Variants in KCNIP1 observed in about 807,000 individuals in gnomAD.
KCNIP1 encodes potassium voltage-gated channel interacting protein 1.
A neutral mutation model predicts 33.0 loss-of-function variants in KCNIP1; 18 were observed. The observed-to-expected ratio is 0.55, with a 90% CI of 0.38 to 0.81. The LOEUF (loss-of-function observed/expected upper bound fraction) is 0.81. Ranked by LOEUF, KCNIP1 falls within the 30% of genes least tolerant of loss-of-function variation. The probability of loss-of-function intolerance (pLI) is 0.00; values close to 1 mark genes in which losing one functional copy is unlikely to be tolerated. For missense variants in KCNIP1, 238 were observed against 271.6 expected (o/e 0.88, Z 0.87); for synonymous variants, 93 against 98.3 (o/e 0.95, Z 0.32).
chr5:170,552,878 G>A (rs374244030), intron 1 of KCNIP1, among the ~76,000 whole-genome samples: 34 of 152,304 alleles, frequency 2.2e-4, no homozygotes, highest in Admixed American at 1.8e-3. Flanking sequence ...GCCAGCTGAC[G>A]CTGACGATGA....
At chr5:170,516,743 G>C (rs1282975083) in intron 1 of KCNIP1, among the ~76,000 whole-genome samples, 1 of 152,184 alleles carries the variant, frequency 6.6e-6, no homozygotes, top group African/African-American at 2.4e-5. Context: ...TAGGAGCTGT[G>C]TGGTTTGAAG....
chr5:170,665,371 G>C (rs767977366), intron 1 of KCNIP1, among the ~76,000 whole-genome samples: 39 of 151,982 alleles, frequency 2.6e-4, no homozygotes, highest in Non-Finnish European at 4.4e-4. Flanking sequence ...AGTCACTGGG[G>C]GTTAAGCCAT....
chr5:170,433,749 C>T (rs1033244718), intron 1 of KCNIP1, among the ~76,000 whole-genome samples: 3 of 152,214 alleles, frequency 2.0e-5, no homozygotes, highest in Admixed American at 6.5e-5. Context: ...CTGTATGTCA[C>T]GCACTATGCT....
chr5:170,526,417 C>A (rs1188123371), intron 1 of KCNIP1, among the ~76,000 whole-genome samples: 2 of 152,194 alleles, frequency 1.3e-5, no homozygotes, highest in Non-Finnish European at 2.9e-5. Flanking sequence ...GGGTTCCAGT[C>A]TGGGCTTTTC....
At chr5:170,484,942 C>CT (rs397999898) in intron 1 of KCNIP1, among the ~76,000 whole-genome samples, 90,805 of 129,444 alleles carry the variant, frequency 0.7, 32,226 homozygotes, top group Non-Finnish European at 0.75. Context: ...TTTCTTTTTT[C>CT]TTTTTTTTTT....
At chr5:170,681,111 A>G (rs1762328510) in intron 1 of KCNIP1, 1 of 399,308 alleles carries the variant, frequency 2.5e-6, no homozygotes, top group Non-Finnish European at 4.4e-6. Context: ...GACACTGGGA[A>G]TAGTGGTGGT....
At chr5:170,421,719 A>G (rs1755498830) in intron 1 of KCNIP1, among the ~76,000 whole-genome samples, 1 of 152,190 alleles carries the variant, frequency 6.6e-6, no homozygotes, top group Admixed American at 6.5e-5. Flanking sequence ...ATTTCAATAT[A>G]TGAATTTGGG....
At chr5:170,501,524 C>G (rs893803578), upstream of KCNIP1, among the ~76,000 whole-genome samples, 2 of 152,222 alleles carry the variant, frequency 1.3e-5, no homozygotes, top group African/African-American at 4.8e-5. Context: ...CAATTGCAAA[C>G]ACGTCCAGAA....
intron 1 of KCNIP1, among the ~76,000 whole-genome samples, chr5:170,372,014 A>G (rs972903447): frequency 6.6e-6 from 1 of 152,118 alleles, no homozygotes; most frequent in Non-Finnish European, 1.5e-5. Context: ...CTCAGACCCC[A>G]CAGGTTAAGA....
chr5:170,589,794 T>G (rs62394315), intron 1 of KCNIP1, among the ~76,000 whole-genome samples: 5,430 of 112,550 alleles, frequency 0.048, 370 homozygotes, highest in African/African-American at 0.14. Flanking sequence ...TGTGATGTGG[T>G]GTGCGGTGCG....
At chr5:170,367,412 A>AG (rs753131983) in intron 1 of KCNIP1, among the ~76,000 whole-genome samples, 1,961 of 103,478 alleles carry the variant, frequency 0.019, 25 homozygotes, top group Admixed American at 0.027. Flanking sequence ...AAAGAAAGAA[A>AG]GAAAGAAAGG....
chr5:170,626,231 T>C (rs1759816943), intron 1 of KCNIP1, among the ~76,000 whole-genome samples: 1 of 152,194 alleles, frequency 6.6e-6, no homozygotes, highest in South Asian at 2.1e-4. Flanking sequence ...GCACTAACGT[T>C]GTCATGCAGG....
intron 1 of KCNIP1, among the ~76,000 whole-genome samples, chr5:170,650,775 T>TTAATGG (rs1327288364): frequency 1.3e-5 from 2 of 152,218 alleles, no homozygotes; most frequent in Non-Finnish European, 2.9e-5. Flanking sequence ...TAGCATTTTA[T>TTAATGG]ACCCACCAGC....
chr5:170,585,220 A>G (rs1422015434), intron 1 of KCNIP1, among the ~76,000 whole-genome samples: 2 of 152,220 alleles, frequency 1.3e-5, no homozygotes, highest in African/African-American at 2.4e-5. Flanking sequence ...CAATTAAGCT[A>G]TAAAATGTCA....
chr5:170,385,588 T>G lies in KCNIP1; in HGVS notation c.88+31624T>G. On this transcript the variant is annotated intron_variant, in intron 1 of 7. Coordinates refer to the KCNIP1 transcript ENST00000377360. Reference sequence around the variant, plus strand: ...CTATTAATATCACTCTTGTTTATATTTGGAGCTTTGCAACTTCCAGAAGTC... The same window carrying G: ...CTATTAATATCACTCTTGTTTATATGTGGAGCTTTGCAACTTCCAGAAGTC... The G allele has an allele frequency of 9.2e-6, 9 of 980,158 alleles. No individual in the cohort carries two copies. In the South Asian group the frequency reaches 1.4e-4, roughly 16 times the overall value. The allele number at this position is 980,158 out of a possible 1,614,324, so 60.7% of individuals were successfully genotyped here.
chr5:170,626,083 T>C (rs1030784621), intron 1 of KCNIP1, among the ~76,000 whole-genome samples: 2 of 152,040 alleles, frequency 1.3e-5, no homozygotes, highest in African/African-American at 4.8e-5. Context: ...TTGCAGGTGA[T>C]GGGAAGGAGT....
intron 1 of KCNIP1, among the ~76,000 whole-genome samples, chr5:170,670,763 C>T (rs1271946717): frequency 6.6e-6 from 1 of 152,058 alleles, no homozygotes; most frequent in Non-Finnish European, 1.5e-5. Flanking sequence ...TGTGGTGATG[C>T]AGCACACCTG....
At chr5:170,604,396 T>A (rs1758815602) in intron 1 of KCNIP1, among the ~76,000 whole-genome samples, 1 of 152,082 alleles carries the variant, frequency 6.6e-6, no homozygotes, top group African/African-American at 2.4e-5. Flanking sequence ...GACACAGTAG[T>A]CCTTCAAGGG....
intron 1 of KCNIP1, among the ~76,000 whole-genome samples, chr5:170,694,717 GAC>G (rs1431522728): frequency 6.6e-6 from 1 of 151,942 alleles, no homozygotes; most frequent in Non-Finnish European, 1.5e-5. Context: ...CTTTCCTCTC[GAC>G]ACCCAGAATC....
Sources: gnomAD v4.1 joint callset for allele counts (sites outside exome capture counted in the v4.1 genomes callset) on GRCh38, gnomAD v4.1.1 for gene constraint, MANE v1.5 for transcripts, NCBI Gene and HGNC (gene_info 2026-07-23, HGNC 2026-07-21) for gene names.